The following ACTR3C variants were observed in gnomAD, a reference collection of about 807,000 sequenced individuals.
ACTR3C encodes the protein actin-related protein 3C.
A neutral mutation model predicts 26.3 loss-of-function variants in ACTR3C; 18 were observed. The observed-to-expected ratio is 0.68, with a 90% CI of 0.47 to 1.01. ACTR3C has a LOEUF of 1.01. Among genes scored for constraint, ACTR3C ranks in the 50% least tolerant of loss-of-function variants. The pLI is 0.00. For synonymous variants in ACTR3C, 55 were observed against 94.5 expected, an observed-to-expected ratio of 0.58 and a Z score of 2.42; for missense variants, 184 against 250.7, an observed-to-expected ratio of 0.73 and a Z score of 1.80.
the ACTR3C span, among the ~76,000 whole-genome samples, chr7:150,232,485 C>T: frequency 1.3e-5 from 2 of 150,146 alleles, no homozygotes; most frequent in African/African-American, 5.0e-5. Context: ...GGACATTTTG[C>T]ACAATTTTAT....
chr7:150,265,953 A>C (rs1338564616), intron 6 of ACTR3C, among the ~76,000 whole-genome samples: 1 of 152,084 alleles, frequency 6.6e-6, no homozygotes, highest in Non-Finnish European at 1.5e-5. Context: ...TTACGTTACC[A>C]CAGTACAACT....
At chr7:149,921,479 A>G in the ACTR3C span, among the ~76,000 whole-genome samples, 2 of 152,172 alleles carry the variant, frequency 1.3e-5, no homozygotes, top group African/African-American at 4.8e-5. Flanking sequence ...GCTGACCTCC[A>G]TCTCCTCCTT....
At chr7:149,937,827 T>C in the ACTR3C span, among the ~76,000 whole-genome samples, 1 of 152,276 alleles carries the variant, frequency 6.6e-6, no homozygotes, top group Non-Finnish European at 1.5e-5. Flanking sequence ...TTCTGATCCC[T>C]TCCCTCAGCC....
chr7:150,198,060 G>A, the ACTR3C span, among the ~76,000 whole-genome samples: 3 of 151,358 alleles, frequency 2.0e-5, no homozygotes, highest in Non-Finnish European at 4.4e-5. Context: ...TGGCCGGGCC[G>A]GTCTCCAGCC....
chr7:150,175,084 G>A, the ACTR3C span, among the ~76,000 whole-genome samples: 267 of 142,740 alleles, frequency 1.9e-3, 5 homozygotes, highest in African/African-American at 7.6e-3. Context: ...AGTTACTGTA[G>A]TGTGAAAGAA....
chr7:149,886,517 TG>T, the ACTR3C span, among the ~76,000 whole-genome samples: 1,222 of 152,248 alleles, frequency 8.0e-3, 15 homozygotes, highest in African/African-American at 0.028. Context: ...AGAGGGACAC[TG>T]GCACTCCAGA....
At chr7:149,887,482 G>A in the ACTR3C span, among the ~76,000 whole-genome samples, 20 of 152,326 alleles carry the variant, frequency 1.3e-4, no homozygotes, top group East Asian at 9.6e-4. Flanking sequence ...CACGCCAGGC[G>A]CCTTCCAGGT....
chr7:150,036,736 G>A, the ACTR3C span, among the ~76,000 whole-genome samples: 298 of 138,054 alleles, frequency 2.2e-3, 53 homozygotes, highest in Middle Eastern at 6.9e-3. Context: ...CGGACCCGTC[G>A]GATCGTAAAT....
chr7:149,976,841 G>C, the ACTR3C span, among the ~76,000 whole-genome samples: 3 of 151,612 alleles, frequency 2.0e-5, no homozygotes, highest in Non-Finnish European at 4.4e-5. Flanking sequence ...TCTGTCGAGT[G>C]GGGTACAGCA....
the ACTR3C span, among the ~76,000 whole-genome samples, chr7:149,936,620 A>T: frequency 6.6e-6 from 1 of 152,152 alleles, no homozygotes; most frequent in East Asian, 1.9e-4. Flanking sequence ...TTTATCCTTG[A>T]GGACTGTGGC....
At chr7:150,186,318 A>AT in the ACTR3C span, among the ~76,000 whole-genome samples, 4 of 152,286 alleles carry the variant, frequency 2.6e-5, no homozygotes, top group East Asian at 7.7e-4. Context: ...AAACACATCC[A>AT]TTTTTTAAAA....
At chr7:150,004,016 G>T in the ACTR3C span, among the ~76,000 whole-genome samples, 4 of 152,032 alleles carry the variant, frequency 2.6e-5, no homozygotes, top group African/African-American at 7.3e-5. Flanking sequence ...GTGGCATGTG[G>T]TGTGGTATTT....
At chr7:150,253,386 G>C (rs1832980321) in intron 6 of ACTR3C, among the ~76,000 whole-genome samples, 1 of 152,074 alleles carries the variant, frequency 6.6e-6, no homozygotes, top group Non-Finnish European at 1.5e-5. Context: ...AAGCTGTTTG[G>C]GGTTTTTGTT....
the ACTR3C span, among the ~76,000 whole-genome samples, chr7:150,125,915 G>A: frequency 6.6e-6 from 1 of 152,202 alleles, no homozygotes. Flanking sequence ...ACTCCAGAGT[G>A]ACAACTTAAT....
At chr7:150,132,675 C>T in the ACTR3C span, among the ~76,000 whole-genome samples, 53 of 152,310 alleles carry the variant, frequency 3.5e-4, no homozygotes, top group African/African-American at 1.2e-3. Context: ...GTATGATAAT[C>T]CCAGCCACTG....
chr7:149,996,073 A>G, the ACTR3C span, among the ~76,000 whole-genome samples: 1 of 152,014 alleles, frequency 6.6e-6, no homozygotes, highest in East Asian at 1.9e-4. Flanking sequence ...TGGCGTGGGG[A>G]GGGAGGAGGC....
the ACTR3C span, among the ~76,000 whole-genome samples, chr7:150,205,109 GA>G: frequency 6.6e-6 from 1 of 152,110 alleles, no homozygotes; most frequent in East Asian, 1.9e-4. Context: ...GAAAGAGCCA[GA>G]AAAAAAGCTA....
chr7:150,229,566 C>G, the ACTR3C span, among the ~76,000 whole-genome samples: 1 of 151,966 alleles, frequency 6.6e-6, no homozygotes, highest in Non-Finnish European at 1.5e-5. Flanking sequence ...CTCACTGCAA[C>G]CTCCGCCTCC....
chr7:150,167,770 T>C, the ACTR3C span, among the ~76,000 whole-genome samples: 1 of 150,504 alleles, frequency 6.6e-6, no homozygotes, highest in East Asian at 1.9e-4. Flanking sequence ...GTCTGCTTTG[T>C]TCAGTCTGGA....
Sources: gnomAD v4.1 joint callset for allele counts (sites outside exome capture counted in the v4.1 genomes callset) on GRCh38, gnomAD v4.1.1 for gene constraint, MANE v1.5 for transcripts, NCBI Gene and HGNC (gene_info 2026-07-23, HGNC 2026-07-21) for gene names.